DAB1: variants seen among roughly 807,000 people sequenced by gnomAD.
The protein encoded by DAB1 is DAB adaptor protein 1.
Under a neutral mutation model 64.6 loss-of-function variants are expected in DAB1, and 15 were observed. That is an observed-to-expected ratio of 0.23 (90% CI 0.16 to 0.36). DAB1 has a LOEUF of 0.36. DAB1 is among the 10% of genes least tolerant of loss of function. The probability of loss-of-function intolerance (pLI) is 1.00; values close to 1 mark genes in which losing one functional copy is unlikely to be tolerated. For synonymous variants in DAB1, 235 were observed against 251.9 expected (o/e 0.93, Z 0.64); for missense variants, 596 against 706.7 (o/e 0.84, Z 1.78).
intron 4 of DAB1, among the ~76,000 whole-genome samples, chr1:57,134,770 C>T (rs975608459): frequency 4.6e-5 from 7 of 152,044 alleles, no homozygotes; most frequent in African/African-American, 9.7e-5. Context: ...GGAGCCAGAC[C>T]GCCTAGGTTC....
chr1:57,529,811 C>T (rs192485311), intron 7 of DAB1, among the ~76,000 whole-genome samples: 3 of 152,234 alleles, frequency 2.0e-5, no homozygotes, highest in African/African-American at 2.4e-5. Context: ...ACTCTCACTC[C>T]TCCTTGTTGT....
At chr1:57,028,325 C>G (rs375991347) in intron 9 of DAB1, among the ~76,000 whole-genome samples, 1 of 152,116 alleles carries the variant, frequency 6.6e-6, no homozygotes, top group East Asian at 1.9e-4. Context: ...TTTTGCCTTC[C>G]GCCATGATAT....
intron 2 of DAB1, among the ~76,000 whole-genome samples, chr1:57,224,331 A>G (rs766005852): frequency 1.3e-5 from 2 of 152,006 alleles, no homozygotes; most frequent in Non-Finnish European, 2.9e-5. Context: ...CCTGATCACC[A>G]CCTGAGTTCT....
At chr1:58,171,474 A>T (rs1312485406) in intron 4 of DAB1, among the ~76,000 whole-genome samples, 1 of 152,234 alleles carries the variant, frequency 6.6e-6, no homozygotes, top group African/African-American at 2.4e-5. Flanking sequence ...AGACTCATCA[A>T]TGAGGCAGTA....
At chr1:57,112,240 G>C (rs1262761320) in intron 4 of DAB1, among the ~76,000 whole-genome samples, 1 of 152,174 alleles carries the variant, frequency 6.6e-6, no homozygotes. Flanking sequence ...GCAAGGCCCT[G>C]TGTTCAGACT....
chr1:57,246,548 A>G (rs1558016733), intron 2 of DAB1, among the ~76,000 whole-genome samples: 1 of 152,224 alleles, frequency 6.6e-6, no homozygotes, highest in Non-Finnish European at 1.5e-5. Context: ...GTGCAGAGGG[A>G]AAAAGTGGGG....
intron 5 of DAB1, among the ~76,000 whole-genome samples, chr1:57,985,472 G>C (rs1349735658): frequency 6.6e-6 from 1 of 152,104 alleles, no homozygotes. Context: ...CCTTCGAGAG[G>C]TGATTAGCAT....
chr1:58,425,649 T>C (rs1644815680), intron 3 of DAB1, among the ~76,000 whole-genome samples: 1 of 152,104 alleles, frequency 6.6e-6, no homozygotes, highest in Non-Finnish European at 1.5e-5. Flanking sequence ...TAATCCTTAG[T>C]ATTTTAAGGA....
intron 4 of DAB1, among the ~76,000 whole-genome samples, chr1:58,268,985 T>TC (rs1661242696): frequency 6.7e-6 from 1 of 148,842 alleles, no homozygotes; most frequent in African/African-American, 2.5e-5. Flanking sequence ...GATTTTTTTT[T>TC]CCTTGGTCCT....
chr1:57,066,290 A>G (rs779903598), intron 8 of DAB1, among the ~76,000 whole-genome samples: 2 of 152,202 alleles, frequency 1.3e-5, no homozygotes, highest in African/African-American at 2.4e-5. Context: ...CAGCACCTCA[A>G]TTGGGGGAAC....
At chr1:58,517,017 G>A (rs775857211) in intron 2 of DAB1, among the ~76,000 whole-genome samples, 4 of 152,116 alleles carry the variant, frequency 2.6e-5, no homozygotes, top group African/African-American at 7.2e-5. Flanking sequence ...AGAAGTCAAG[G>A]GAGTCTGATG....
At chr1:58,223,712 T>C (rs1327948690) in intron 4 of DAB1, among the ~76,000 whole-genome samples, 2 of 152,130 alleles carry the variant, frequency 1.3e-5, no homozygotes, top group Non-Finnish European at 2.9e-5. Flanking sequence ...GGAGATTAAA[T>C]GGCCTTACAC....
chr1:58,441,770 G>A (rs912181969), intron 3 of DAB1, among the ~76,000 whole-genome samples: 17 of 152,160 alleles, frequency 1.1e-4, no homozygotes, highest in Non-Finnish European at 2.5e-4. Context: ...GCCAGCTTCT[G>A]ATTAAGCAGG....
At chr1:57,510,102 G>A (rs1644389763) in intron 7 of DAB1, among the ~76,000 whole-genome samples, 1 of 152,082 alleles carries the variant, frequency 6.6e-6, no homozygotes, top group African/African-American at 2.4e-5. Flanking sequence ...CTTTGTAGCT[G>A]CCAAATTTTA....
Position 57,721,302 on chromosome 1 carries a change from G to T in DAB1, n.552-71637C>A, listed in dbSNP as rs548257040. ...GCAGTTGAAAAATGCAGCATCTTTG[G>T]ATGTATACAGAGAAGCAAACTATAA... is the stretch of plus-strand genomic sequence containing the variant. On this transcript the variant is annotated intron_variant and non_coding_transcript_variant, in intron 6 of 20. Transcript: ENST00000485760. 2.6e-5 allele frequency among the ~76,000 whole-genome samples: 4 copies of T among 152,226 alleles called. No homozygotes were observed. In the South Asian group the frequency reaches 8.3e-4, roughly 32 times the overall value.
chr1:57,631,900 T>G (rs760933790), intron 7 of DAB1, among the ~76,000 whole-genome samples: 4 of 152,168 alleles, frequency 2.6e-5, no homozygotes, highest in Non-Finnish European at 5.9e-5. Context: ...CCCTGCTCCA[T>G]GTTACCAGGA....
chr1:57,867,946 A>T (rs778996766), intron 1 of DAB1, among the ~76,000 whole-genome samples: 1 of 152,152 alleles, frequency 6.6e-6, no homozygotes, highest in Non-Finnish European at 1.5e-5. Context: ...TGAGATAACC[A>T]TGAAAAGTGG....
At chr1:58,067,168 T>C (rs1648905433) in intron 5 of DAB1, among the ~76,000 whole-genome samples, 1 of 152,238 alleles carries the variant, frequency 6.6e-6, no homozygotes, top group Non-Finnish European at 1.5e-5. Context: ...AGTTCCTTAT[T>C]TGAGTGACTA....
chr1:57,600,115 C>A (rs1214021619), intron 7 of DAB1, among the ~76,000 whole-genome samples: 2 of 152,134 alleles, frequency 1.3e-5, no homozygotes, highest in African/African-American at 2.4e-5. Flanking sequence ...CCTTAGTGAT[C>A]CTACTAGACT....
Sources: gnomAD v4.1 joint callset for allele counts (sites outside exome capture counted in the v4.1 genomes callset) on GRCh38, gnomAD v4.1.1 for gene constraint, MANE v1.5 for transcripts, NCBI Gene and HGNC (gene_info 2026-07-23, HGNC 2026-07-21) for gene names.